Variants in ZNF385D observed in about 807,000 individuals in gnomAD.
ZNF385D encodes zinc finger protein 385D, also known as zinc finger protein 659.
In ZNF385D, 15 loss-of-function variants were observed where a neutral mutation model predicts 35.8. The ratio of observed to expected loss-of-function variants is 0.42; its 90% CI spans 0.28 to 0.64. ZNF385D has a LOEUF of 0.64. Among genes scored for constraint, ZNF385D ranks in the 30% least tolerant of loss-of-function variants. The probability of loss-of-function intolerance (pLI) is 0.23; values close to 1 mark genes in which losing one functional copy is unlikely to be tolerated. For synonymous variants in ZNF385D, 212 were observed against 186.8 expected (o/e 1.13, Z -1.10); for missense variants, 474 against 494.6 (o/e 0.96, Z 0.39).
In ZNF385D at chr3:21,948,973, T is replaced by A. The variant is rs146730763; in HGVS notation, c.325+219844A>T. On this transcript the variant is annotated intron_variant, in intron 3 of 5. Coordinates refer to the ZNF385D transcript ENST00000494108. ...CCCTCCAGGAATGGTCTATTTTTCCTTCAATACATTGGGTTTTGCAGTATT... is the reference window on the plus strand; with the variant it reads ...CCCTCCAGGAATGGTCTATTTTTCCATCAATACATTGGGTTTTGCAGTATT... 3.0e-4 allele frequency among the ~76,000 whole-genome samples: 46 copies of A among 152,306 alleles called. 1 individual carries two copies. In the East Asian group the frequency reaches 6.9e-3, roughly 23 times the overall value.
rs892497885 is a variant in ZNF385D at position 22,183,261 on chromosome 3, A to G, written c.107-14226T>C. On this transcript the variant is annotated intron_variant, in intron 2 of 5. Coordinates refer to the ZNF385D transcript ENST00000494108. ...TCATCTAACTCGGGTAGTTAAAATT[A>G]AATTATCTTAAAAATTATCTTAAAG... 3.3e-5 allele frequency among the ~76,000 whole-genome samples: 5 copies of G among 152,180 alleles called. No individual in the cohort carries two copies. The East Asian group carries it at 9.6e-4, about 29-fold the overall frequency.
chr3:21,661,205 C>A (rs1290667967), intron 2 of ZNF385D, among the ~76,000 whole-genome samples: 1 of 152,076 alleles, frequency 6.6e-6, no homozygotes, highest in Admixed American at 6.6e-5. Context: ...ATTTCCCATT[C>A]GAATGCCTGG....
At chr3:21,681,693 A>AAC in intron 1 of ZNF385D, among the ~76,000 whole-genome samples, 2 of 86,238 alleles carry the variant, frequency 2.3e-5, no homozygotes, top group African/African-American at 7.1e-5. Flanking sequence ...ATGATAAAAA[A>AAC]AAACGAAAAA....
chr3:21,764,941 T>C (rs571881759), intron 3 of ZNF385D, among the ~76,000 whole-genome samples: 1 of 152,286 alleles, frequency 6.6e-6, no homozygotes, highest in South Asian at 2.1e-4. Flanking sequence ...TCTGTCACAT[T>C]ATGGATGCCC....
intron 2 of ZNF385D, among the ~76,000 whole-genome samples, chr3:22,181,562 G>A (rs1695274275): frequency 6.6e-6 from 1 of 152,072 alleles, no homozygotes; most frequent in Admixed American, 6.6e-5. Flanking sequence ...GCCGGTCGCA[G>A]TGGCGGGCGC....
chr3:21,711,119 G>A (rs1177913295), intron 1 of ZNF385D, among the ~76,000 whole-genome samples: 1 of 135,634 alleles, frequency 7.4e-6, no homozygotes, highest in Non-Finnish European at 1.5e-5. Flanking sequence ...TCGGCTCACT[G>A]CAACTTCCGC....
chr3:22,096,663 G>A (rs1324811425), intron 3 of ZNF385D, among the ~76,000 whole-genome samples: 2 of 151,974 alleles, frequency 1.3e-5, no homozygotes, highest in Non-Finnish European at 2.9e-5. Context: ...AGACACCCCT[G>A]TACTGCACAA....
At chr3:21,752,860 G>C (rs1203933287), upstream of ZNF385D, among the ~76,000 whole-genome samples, 1 of 152,160 alleles carries the variant, frequency 6.6e-6, no homozygotes, top group African/African-American at 2.4e-5. Flanking sequence ...TTGTCCAAAA[G>C]TACAATTAGT....
intron 2 of ZNF385D, among the ~76,000 whole-genome samples, chr3:22,331,477 A>G (rs990847457): frequency 1.3e-5 from 2 of 152,186 alleles, no homozygotes; most frequent in Admixed American, 6.5e-5. Flanking sequence ...AACATTAATG[A>G]AAACTTAATA....
chr3:21,664,858 G>C, intron 2 of ZNF385D, 28 bp downstream of exon 2: 2 of 1,613,136 alleles, frequency 1.2e-6, no homozygotes, highest in Non-Finnish European at 1.7e-6. Context: ...CTTCCACTCA[G>C]GCAAAGACAA....
At chr3:21,895,859 G>A (rs1476690697) in intron 3 of ZNF385D, among the ~76,000 whole-genome samples, 1 of 151,990 alleles carries the variant, frequency 6.6e-6, no homozygotes, top group Non-Finnish European at 1.5e-5. Context: ...ACGTATGGCA[G>A]GGAAAGGAAA....
At chr3:22,260,338 G>A (rs1700559900) in intron 2 of ZNF385D, among the ~76,000 whole-genome samples, 1 of 151,716 alleles carries the variant, frequency 6.6e-6, no homozygotes, top group African/African-American at 2.4e-5. Flanking sequence ...CACACACCAG[G>A]GCCTGTTGGC....
At chr3:21,757,490 A>G (rs767320874) in intron 3 of ZNF385D, among the ~76,000 whole-genome samples, 1 of 152,164 alleles carries the variant, frequency 6.6e-6, no homozygotes, top group Non-Finnish European at 1.5e-5. Flanking sequence ...GACAGCTAAT[A>G]GGAGCTTTTT....
intron 3 of ZNF385D, among the ~76,000 whole-genome samples, chr3:21,919,810 G>T (rs1700365568): frequency 6.6e-6 from 1 of 152,136 alleles, no homozygotes; most frequent in African/African-American, 2.4e-5. Flanking sequence ...CTTCCATTTT[G>T]ATATTATTAA....
chr3:21,570,052 TATA>T (rs780614695), intron 2 of ZNF385D, among the ~76,000 whole-genome samples: 86 of 150,904 alleles, frequency 5.7e-4, no homozygotes, highest in South Asian at 2.9e-3. Context: ...AAACTTAAAG[TATA>T]ATAATAATAA....
chr3:21,578,769 C>T (rs1441440946), intron 2 of ZNF385D, among the ~76,000 whole-genome samples: 7 of 151,980 alleles, frequency 4.6e-5, no homozygotes, highest in African/African-American at 1.4e-4. Context: ...GGTAGTGTAA[C>T]GCCTCCAGCT....
intron 3 of ZNF385D, among the ~76,000 whole-genome samples, chr3:21,865,024 C>T: frequency 1.2e-5 from 1 of 82,740 alleles, no homozygotes; most frequent in Non-Finnish European, 2.4e-5. Context: ...GCAGCAATTA[C>T]TCTGTGGGGT....
intron 3 of ZNF385D, among the ~76,000 whole-genome samples, chr3:22,141,132 AAG>A (rs1466935668): frequency 6.6e-6 from 1 of 152,166 alleles, no homozygotes; most frequent in East Asian, 1.9e-4. Flanking sequence ...TTAAAAACAT[AAG>A]AGAGGTTTAT....
chr3:21,589,775 C>T (rs1191944808), intron 2 of ZNF385D, among the ~76,000 whole-genome samples: 1 of 151,486 alleles, frequency 6.6e-6, no homozygotes, highest in East Asian at 1.9e-4. Flanking sequence ...GAAAAAAAAT[C>T]AAAATTACTT....
Sources: allele counts gnomAD v4.1 joint callset (sites outside exome capture counted in the v4.1 genomes callset), GRCh38; gene constraint gnomAD v4.1.1; transcripts MANE v1.5; gene names NCBI Gene and HGNC (gene_info 2026-07-23, HGNC 2026-07-21).